Variants in SLC19A1 observed in about 807,000 individuals in gnomAD.
The protein encoded by SLC19A1 is solute carrier family 19 member 1.
Under a neutral mutation model 35.3 loss-of-function variants are expected in SLC19A1, and 37 were observed. The ratio of observed to expected loss-of-function variants is 1.05; its 90% confidence interval spans 0.81 to 1.38. The LOEUF (loss-of-function observed/expected upper bound fraction) is 1.38, where lower values mean the gene tolerates loss of function less well. SLC19A1 is among the 40% of genes most tolerant of loss of function. The pLI is 0.00. For synonymous variants in SLC19A1, 460 were observed against 398.5 expected (o/e 1.15, Z -1.84); for missense variants, 831 against 826.9 (o/e 1.00, Z -0.06).
chr21:45,509,204 C>A, downstream of SLC19A1: 1 of 1,052,278 alleles, frequency 9.5e-7, no homozygotes, highest in Non-Finnish European at 1.3e-6. Flanking sequence ...CTGCTGCCTA[C>A]ACCCCCAGGG....
intron 5 of SLC19A1, 115 bp downstream of exon 5, chr21:45,525,702 C>A: frequency 8.0e-7 from 1 of 1,244,292 alleles, no homozygotes; most frequent in Admixed American, 2.0e-5. Context: ...CCCAGGCCCG[C>A]ACCCTGTGCC....
upstream of SLC19A1, among the ~76,000 whole-genome samples, chr21:45,545,538 A>G (rs1455327637): frequency 1.3e-5 from 2 of 151,944 alleles, no homozygotes; most frequent in Admixed American, 6.6e-5. Context: ...TATTTTCTTT[A>G]TGATACCCAG....
chr21:45,526,663 C>T (rs1486829832), intron 4 of SLC19A1, among the ~76,000 whole-genome samples: 1 of 152,232 alleles, frequency 6.6e-6, no homozygotes, highest in Non-Finnish European at 1.5e-5. Flanking sequence ...CCTCTGCCTC[C>T]TGGGTTCAAG....
Position 45,529,307 on chromosome 21 carries a change from G to A in SLC19A1, c.1151+1463C>T, listed in dbSNP as rs868835246. On this transcript the variant is annotated intron_variant, in intron 4 of 5. Coordinates refer to ENST00000311124, the MANE Select transcript of SLC19A1 (RefSeq NM_194255.4). ...AGGGGTGAGGCCACTGACACAGAGG[G>A]CCCAATGCAAGGGTCAGGAGGGTGC... Among the ~76,000 whole-genome samples the A allele has an allele frequency of 8.5e-5, 13 of 152,360 alleles. No individual in the cohort carries two copies. The South Asian group carries it at 1.4e-3, about 17-fold the overall frequency.
chr21:45,535,773 A>T (rs1220936734), intron 2 of SLC19A1, among the ~76,000 whole-genome samples: 1 of 152,216 alleles, frequency 6.6e-6, no homozygotes, highest in Non-Finnish European at 1.5e-5. Flanking sequence ...GCAGATAAGC[A>T]CCTTGTAGTT....
At position 45,515,934 on chromosome 21, in the gene SLC19A1, C is replaced by A; in HGVS notation, c.1500G>T (p.Pro500=). The change falls in exon 6 of 6, where the codon CCG becomes CCT. Residue 500 remains proline, a synonymous_variant. Coordinates refer to ENST00000311124, the MANE Select transcript of SLC19A1 (RefSeq NM_194255.4). ...GLGGLQPAQS[P]PLSPEDSLGA... ...CCAGGCTGTCTTCTGGGGAAAGCGG[C>A]GGGCTCTGGGCTGGCTGCAGGCCTC... 1 of 1,539,388 alleles carries A rather than the reference C, an allele frequency of 6.5e-7. No individual in the cohort carries two copies. Among genetic ancestry groups the A allele is most frequent in the Non-Finnish European group, 8.8e-7 (1 of 1,142,362 alleles).
intron 3 of SLC19A1, among the ~76,000 whole-genome samples, chr21:45,503,530 G>T (rs965472791): frequency 2.0e-5 from 3 of 151,024 alleles, no homozygotes; most frequent in Non-Finnish European, 4.4e-5. Context: ...GTAAACTATT[G>T]CAAGAACAAA....
chr21:45,524,787 T>C (rs1015437392), intron 5 of SLC19A1, among the ~76,000 whole-genome samples: 6 of 135,284 alleles, frequency 4.4e-5, no homozygotes, highest in African/African-American at 1.7e-4. Context: ...CCCTGAGTGT[T>C]CACGCCTGGG....
At chr21:45,532,234 G>T in intron 2 of SLC19A1, 86 bp from the exon 3 acceptor site, 1 of 1,147,888 alleles carries the variant, frequency 8.7e-7, no homozygotes, top group Non-Finnish European at 1.3e-6. Context: ...GATGGCTGCT[G>T]ACGGCTTCCT....
At chr21:45,510,613 G>A (rs566240584), downstream of SLC19A1, among the ~76,000 whole-genome samples, 17 of 152,186 alleles carry the variant, frequency 1.1e-4, no homozygotes, top group East Asian at 2.7e-3. Context: ...ATCAGGAACC[G>A]TCCTTTGGGC....
intron 5 of SLC19A1, among the ~76,000 whole-genome samples, chr21:45,522,807 A>C (rs74940071): frequency 1.3e-5 from 2 of 152,296 alleles, no homozygotes; most frequent in East Asian, 3.9e-4. Context: ...AGAAGAGGGT[A>C]GTGGCTGCCA....
intron 3 of SLC19A1, among the ~76,000 whole-genome samples, chr21:45,504,859 C>T (rs2037095460): frequency 6.6e-6 from 1 of 152,146 alleles, no homozygotes; most frequent in African/African-American, 2.4e-5. Flanking sequence ...GCCCATCAGT[C>T]CTGAAAGACT....
Position 45,530,744 on chromosome 21 carries a change from C to T in SLC19A1, c.1151+26G>A, listed in dbSNP as rs549300982. The T allele has an allele frequency of 4.7e-5, 73 of 1,546,268 alleles. No homozygotes were observed. The Admixed American group carries it at 5.9e-4, about 13-fold the overall frequency. On this transcript the variant is annotated intron_variant, in intron 4 of 5. Coordinates refer to ENST00000311124, the MANE Select transcript of SLC19A1 (RefSeq NM_194255.4). The surrounding 1 kb of genome is among the most constrained non-coding windows in gnomAD (Gnocchi z 5.3). The stretch of plus-strand genomic sequence containing the variant: ...CTTGATCCTGGCGCCTGCCCGCCCC[C>T]GGCTTCCCACCCTTCTGGAACTCAC...
intron 1 of SLC19A1, among the ~76,000 whole-genome samples, chr21:45,561,020 AG>A (rs2078610667): frequency 6.6e-6 from 1 of 152,244 alleles, no homozygotes; most frequent in Non-Finnish European, 1.5e-5. Flanking sequence ...CCATGTGCAA[AG>A]GAAGAAGGAA....
chr21:45,550,228 G>A (rs1225260355), intron 1 of SLC19A1, among the ~76,000 whole-genome samples: 2 of 152,150 alleles, frequency 1.3e-5, no homozygotes, highest in Non-Finnish European at 2.9e-5. Context: ...GTGGTTTGGG[G>A]TGTTTCCCTC....
In SLC19A1 at chr21:45,515,199, C is replaced by T; in HGVS notation, c.*459G>A. 1 of 1,520,602 alleles carries T rather than the reference C, an allele frequency of 6.6e-7. No homozygotes were observed. The highest frequency in any genetic ancestry group is 8.8e-7 in the Non-Finnish European group (1 of 1,140,704). 94.2% of individuals were successfully genotyped at this position (1,520,602 alleles called of 1,614,324 possible). On this transcript the variant is annotated 3_prime_UTR_variant, in exon 6 of 6. Coordinates refer to ENST00000311124, the MANE Select transcript of SLC19A1 (RefSeq NM_194255.4). ...AAAGCATCTTTCAAAAAAGCAAGAG[C>T]ACCAAGGATGACCAGCAATGTCACA...
downstream of SLC19A1, chr21:45,509,510 C>T (rs757216963): frequency 3.3e-6 from 5 of 1,533,344 alleles, no homozygotes; most frequent in South Asian, 5.9e-5. Context: ...CAGCCCTACC[C>T]CGGAGCCCCG....
intron 2 of SLC19A1, chr21:45,536,049 C>A: frequency 2.9e-6 from 1 of 340,878 alleles, no homozygotes; most frequent in South Asian, 1.1e-4. Flanking sequence ...AAGTTCTTGT[C>A]GGGCCCCAGG....
In SLC19A1 at chr21:45,532,053, C is replaced by T. The variant is rs781654492; in HGVS notation, c.285G>A (p.Val95=). The T allele has an allele frequency of 1.2e-6, 2 of 1,612,500 alleles. No homozygotes were observed. The highest frequency in any genetic ancestry group is 1.1e-5 in the South Asian group (1 of 91,082). ...LLTDYLRYTP[V]LLLQGLSFVS... The stretch of plus-strand genomic sequence containing the variant: ...CGAAGCTGAGCCCCTGCAGCAGCAG[C>T]ACCGGCGTGTAGCGCAGGTAGTCGG... Residue 95 remains valine, a synonymous_variant, in exon 3 of 6, where the codon GTG becomes GTA. Transcript: ENST00000311124.
Sources: gnomAD v4.1 joint callset for allele counts (sites outside exome capture counted in the v4.1 genomes callset) on GRCh38, gnomAD v4.1.1 for gene constraint, Gnocchi (gnomAD v3.1) non-coding constraint, MANE v1.5 for transcripts, NCBI Gene and HGNC (gene_info 2026-07-23, HGNC 2026-07-21) for gene names.